Variants in EXOC4 observed in about 807,000 individuals in gnomAD.
EXOC4 encodes the protein SEC8-like 1.
EXOC4 carries 71 observed loss-of-function variants against 107.2 expected under a neutral mutation model. That is an observed-to-expected ratio of 0.66 (90% CI 0.55 to 0.81). The LOEUF is 0.81. EXOC4 is among the 30% of genes least tolerant of loss of function. The pLI, the probability that EXOC4 is intolerant of heterozygous loss-of-function variation, is 0.00. For missense variants in EXOC4, 1,108 were observed against 1,189.6 expected, an observed-to-expected ratio of 0.93 and a Z score of 1.01; for synonymous variants, 456 against 441.2, an observed-to-expected ratio of 1.03 and a Z score of -0.42.
intron 9 of EXOC4, among the ~76,000 whole-genome samples, chr7:133,525,710 A>G (rs975032020): frequency 6.6e-6 from 1 of 152,200 alleles, no homozygotes; most frequent in Non-Finnish European, 1.5e-5. Flanking sequence ...AGTTATGAGT[A>G]TAGGTGTAAT....
At chr7:134,061,939 C>T (rs368839003) in intron 17 of EXOC4, among the ~76,000 whole-genome samples, 1 of 152,142 alleles carries the variant, frequency 6.6e-6, no homozygotes, top group East Asian at 1.9e-4. Flanking sequence ...TTATGCTAAA[C>T]ATGAAACTTC....
chr7:133,277,941 A>C (rs750297798), intron 2 of EXOC4, among the ~76,000 whole-genome samples: 43 of 152,224 alleles, frequency 2.8e-4, no homozygotes, highest in Non-Finnish European at 4.9e-4. Context: ...TTAAAGTGAA[A>C]ACATGGATGA....
intron 7 of EXOC4, among the ~76,000 whole-genome samples, chr7:133,462,415 G>C (rs191422328): frequency 4.6e-5 from 7 of 152,270 alleles, no homozygotes; most frequent in South Asian, 2.1e-4. Context: ...AGTTGTCATC[G>C]TAAGACCAAG....
At chr7:133,579,419 A>G (rs1428934092) in intron 9 of EXOC4, among the ~76,000 whole-genome samples, 3 of 152,188 alleles carry the variant, frequency 2.0e-5, no homozygotes, top group African/African-American at 4.8e-5. Context: ...GAAATACTCT[A>G]ATGTTTTTAA....
intron 11 of EXOC4, among the ~76,000 whole-genome samples, chr7:133,823,374 TG>T (rs1410031776): frequency 1.3e-5 from 2 of 152,068 alleles, no homozygotes; most frequent in Non-Finnish European, 2.9e-5. Flanking sequence ...CAGGTCCCAT[TG>T]GTTGCTCAGG....
chr7:133,528,526 T>C (rs1009633543), intron 9 of EXOC4, among the ~76,000 whole-genome samples: 9 of 152,146 alleles, frequency 5.9e-5, no homozygotes, highest in South Asian at 2.1e-4. Context: ...TCACTGTCAG[T>C]TGGTTTTCGG....
chr7:134,070,744 A>C (rs539043427), downstream of EXOC4, among the ~76,000 whole-genome samples: 12 of 152,112 alleles, frequency 7.9e-5, no homozygotes, highest in South Asian at 2.1e-4. Context: ...CATACTATTA[A>C]GATGTATGTG....
chr7:133,406,275 A>AC (rs1563053826), intron 7 of EXOC4, among the ~76,000 whole-genome samples: 1 of 152,178 alleles, frequency 6.6e-6, no homozygotes, highest in East Asian at 1.9e-4. Context: ...ACCATACTGC[A>AC]CTACATCCAT....
At chr7:133,532,495 G>C (rs534145771) in intron 9 of EXOC4, among the ~76,000 whole-genome samples, 9 of 152,158 alleles carry the variant, frequency 5.9e-5, no homozygotes, top group Admixed American at 2.6e-4. Flanking sequence ...GTGCCAAGTG[G>C]TTTTTATATA....
At chr7:134,008,151 G>A (rs1440023317) in intron 17 of EXOC4, among the ~76,000 whole-genome samples, 4 of 152,076 alleles carry the variant, frequency 2.6e-5, no homozygotes, top group African/African-American at 9.7e-5. Flanking sequence ...ATACAAAGAA[G>A]AATATAAACC....
At chr7:133,446,298 A>C (rs1798218127) in intron 7 of EXOC4, among the ~76,000 whole-genome samples, 1 of 152,156 alleles carries the variant, frequency 6.6e-6, no homozygotes, top group Non-Finnish European at 1.5e-5. Context: ...CTTATTTACG[A>C]GGGAGACTTT....
chr7:133,489,678 T>G (rs1474276353), intron 9 of EXOC4, among the ~76,000 whole-genome samples: 1 of 152,200 alleles, frequency 6.6e-6, no homozygotes, highest in Admixed American at 6.5e-5. Context: ...TTCTGTTTAT[T>G]TGTTAATCCT....
chr7:134,041,434 T>C (rs1177212351), intron 17 of EXOC4, among the ~76,000 whole-genome samples: 1 of 152,192 alleles, frequency 6.6e-6, no homozygotes, highest in Non-Finnish European at 1.5e-5. Context: ...CAGTCCAGAT[T>C]AGCAATTTTA....
intron 10 of EXOC4, among the ~76,000 whole-genome samples, chr7:133,664,542 G>A (rs1014576269): frequency 1.3e-5 from 2 of 152,196 alleles, no homozygotes; most frequent in Admixed American, 6.5e-5. Flanking sequence ...CTGTGAACAA[G>A]CACTGCCTAT....
At chr7:133,469,465 G>A (rs755839234) in intron 7 of EXOC4, among the ~76,000 whole-genome samples, 21 of 151,762 alleles carry the variant, frequency 1.4e-4, no homozygotes, top group Non-Finnish European at 2.6e-4. Flanking sequence ...AGGAAAATTG[G>A]GTTCATAGTT....
intron 2 of EXOC4, among the ~76,000 whole-genome samples, chr7:133,281,336 AT>A (rs1195666425): frequency 6.6e-6 from 1 of 150,640 alleles, no homozygotes; most frequent in Non-Finnish European, 1.5e-5. Flanking sequence ...AAAATACATA[AT>A]AAAAATGTAT....
rs550226142 is a variant in EXOC4, at chr7:133,457,091, G to A, written c.1183-18237G>A. 9.9e-5 allele frequency among the ~76,000 whole-genome samples: 15 copies of A among 152,224 alleles called. No homozygotes were observed. In the South Asian group the frequency reaches 1.7e-3, roughly 17 times the overall value. On this transcript the variant is annotated intron_variant, in intron 7 of 17. Coordinates refer to ENST00000253861, the MANE Select transcript of EXOC4 (RefSeq NM_021807.4). ...GAATGAACAGAAACTTTAGTGAAAC[G>A]TTAATATTTGTGTTGGGCCTTGAAA...
intron 13 of EXOC4, among the ~76,000 whole-genome samples, chr7:133,926,276 C>T (rs931554712): frequency 1.3e-5 from 2 of 152,158 alleles, no homozygotes; most frequent in African/African-American, 4.8e-5. Context: ...GTAATTGACT[C>T]TGACTTCCAG....
intron 13 of EXOC4, among the ~76,000 whole-genome samples, chr7:133,928,429 G>A (rs1468003045): frequency 6.6e-6 from 1 of 152,202 alleles, no homozygotes; most frequent in Admixed American, 6.5e-5. Context: ...TCTGCTGCAA[G>A]CTGAAATTCC....
Sources: gnomAD v4.1 joint callset for allele counts (sites outside exome capture counted in the v4.1 genomes callset) on GRCh38, gnomAD v4.1.1 for gene constraint, MANE v1.5 for transcripts, NCBI Gene and HGNC (gene_info 2026-07-23, HGNC 2026-07-21) for gene names.